The following SCARA3 variants were observed in gnomAD, a reference collection of about 807,000 sequenced individuals.
The protein encoded by SCARA3 is cellular stress response gene protein.
Under a neutral mutation model 47.0 loss-of-function variants are expected in SCARA3, and 39 were observed. The observed-to-expected ratio is 0.83, with a 90% confidence interval of 0.64 to 1.08. The LOEUF is 1.08. Among genes scored for constraint, SCARA3 ranks in the 50% least tolerant of loss-of-function variants. The probability of loss-of-function intolerance (pLI) is 0.00; values close to 1 mark genes in which losing one functional copy is unlikely to be tolerated. For synonymous variants in SCARA3, 356 were observed against 334.1 expected (o/e 1.07, Z -0.71); for missense variants, 724 against 792.3 (o/e 0.91, Z 1.04).
downstream of SCARA3, among the ~76,000 whole-genome samples, chr8:27,674,883 C>T (rs920537017): frequency 2.0e-5 from 3 of 152,084 alleles, no homozygotes; most frequent in South Asian, 6.2e-4. Flanking sequence ...CGTGCACCAC[C>T]ATGCCCAGCT....
chr8:27,717,152 G>C, the SCARA3 span, among the ~76,000 whole-genome samples: 7 of 152,152 alleles, frequency 4.6e-5, no homozygotes, highest in Admixed American at 4.6e-4. Context: ...ACCTGACTGG[G>C]TACTTTGCTA....
At chr8:27,706,229 C>G in the SCARA3 span, among the ~76,000 whole-genome samples, 1 of 152,152 alleles carries the variant, frequency 6.6e-6, no homozygotes, top group African/African-American at 2.4e-5. Flanking sequence ...TTGGCTCACT[C>G]ACTGCAAACT....
the SCARA3 span, among the ~76,000 whole-genome samples, chr8:27,705,320 G>T: frequency 1.5e-3 from 232 of 152,338 alleles, 1 homozygote; most frequent in African/African-American, 5.5e-3. Flanking sequence ...AGCAGCTGCG[G>T]GACCTTGGCA....
intron 2 of SCARA3, 57 bp downstream of exon 2, chr8:27,649,857 C>T (rs482078): frequency 0.23 from 333,062 of 1,434,402 alleles, 40,630 homozygotes; most frequent in Middle Eastern, 0.32. Context: ...TCCCTGTCTC[C>T]ATCCCCAGGC....
At chr8:27,731,076 GT>G in the SCARA3 span, among the ~76,000 whole-genome samples, 3 of 148,134 alleles carry the variant, frequency 2.0e-5, no homozygotes, top group African/African-American at 7.4e-5. Flanking sequence ...TGTGTGTTTT[GT>G]TTACCCGCTT....
the SCARA3 span, among the ~76,000 whole-genome samples, chr8:27,727,773 A>G: frequency 2.0e-5 from 3 of 152,360 alleles, no homozygotes; most frequent in Admixed American, 1.3e-4. Context: ...CCGGGTATTC[A>G]TGAAGTCTCA....
Position 27,671,542 on chromosome 8 carries a change from A to G in SCARA3, c.*191A>G, listed in dbSNP as rs1335630464. On this transcript the variant is annotated 3_prime_UTR_variant, in exon 6 of 6. Transcript: ENST00000301904. ...ATAGGAAAGCAGCCCCTCCTCACAC[A>G]TACATGTGCACATGCACACACATGC... 6 of 1,287,752 alleles carry G rather than the reference A, an allele frequency of 4.7e-6. No homozygotes were observed. Among genetic ancestry groups the G allele is most frequent in the Non-Finnish European group, 5.9e-6 (6 of 1,022,232 alleles). 79.8% of individuals were successfully genotyped at this position (1,287,752 alleles called of 1,614,324 possible).
the SCARA3 span, among the ~76,000 whole-genome samples, chr8:27,710,122 C>G: frequency 2.0e-5 from 3 of 150,788 alleles, no homozygotes; most frequent in Admixed American, 1.3e-4. Flanking sequence ...CCCAGCTGCT[C>G]GGGAGGCTGA....
At chr8:27,635,575 T>A (rs569011880) in intron 1 of SCARA3, among the ~76,000 whole-genome samples, 54 of 152,200 alleles carry the variant, frequency 3.5e-4, no homozygotes, top group Admixed American at 1.6e-3. Flanking sequence ...CAGCCTCTCA[T>A]GTAGCTGGTA....
rs182767400 is a variant in SCARA3, at chr8:27,652,656, G to A, written c.226+1029G>A. Among the ~76,000 whole-genome samples, 24 of 152,306 alleles carry A rather than the reference G, an allele frequency of 1.6e-4. No homozygotes were observed. The East Asian group carries it at 2.5e-3, about 16-fold the overall frequency. ...CTAATGATTTGAATAGACACAAGTCGTCTTCCAGTAATCCGAAGGCATTAA... is the reference window on the plus strand; with the variant it reads ...CTAATGATTTGAATAGACACAAGTCATCTTCCAGTAATCCGAAGGCATTAA... On this transcript the variant is annotated intron_variant, in intron 3 of 5. Coordinates refer to ENST00000301904, the MANE Select transcript of SCARA3 (RefSeq NM_016240.3).
chr8:27,645,055 T>G (rs1041761006), intron 1 of SCARA3, among the ~76,000 whole-genome samples: 27 of 152,184 alleles, frequency 1.8e-4, no homozygotes, highest in Non-Finnish European at 5.9e-5. Context: ...GCTCATTCCT[T>G]TGCAGTTCAA....
downstream of SCARA3, among the ~76,000 whole-genome samples, chr8:27,675,701 T>G (rs1489038018): frequency 6.6e-6 from 1 of 151,724 alleles, no homozygotes; most frequent in Non-Finnish European, 1.5e-5. Flanking sequence ...GAGGCAGGAG[T>G]GTTGCTTGAA....
In SCARA3 at chr8:27,672,825, T is replaced by C; in HGVS notation, c.*1474T>C. 1.0e-6 allele frequency: 1 copy of C among 985,648 alleles called. No homozygotes were observed. The highest frequency in any genetic ancestry group is 1.2e-6 in the Non-Finnish European group (1 of 830,088). 61.1% of individuals were successfully genotyped at this position (985,648 alleles called of 1,614,324 possible). ...CTCCACCGCCCGCAAGGTTAGGGCA[T>C]AGAGTTGTCTCCTTCCCAACACGGA... is the stretch of plus-strand genomic sequence containing the variant. On this transcript the variant is annotated 3_prime_UTR_variant, in exon 6 of 6. Transcript: ENST00000301904.
chr8:27,647,619 C>T (rs935082710), intron 1 of SCARA3, among the ~76,000 whole-genome samples: 5 of 152,268 alleles, frequency 3.3e-5, no homozygotes, highest in East Asian at 1.9e-4. Flanking sequence ...GGAACTGAAG[C>T]GCTGGGGAAG....
the SCARA3 span, among the ~76,000 whole-genome samples, chr8:27,708,797 T>C: frequency 6.6e-6 from 1 of 152,192 alleles, no homozygotes; most frequent in South Asian, 2.1e-4. Flanking sequence ...CATTATAGAC[T>C]TTAAAAACCA....
Position 27,671,814 on chromosome 8 carries a change from T to C in SCARA3, c.*463T>C. On this transcript the variant is annotated 3_prime_UTR_variant, in exon 6 of 6. Coordinates refer to ENST00000301904, the MANE Select transcript of SCARA3 (RefSeq NM_016240.3). ...ACATATCCATGCACACAAACACATATATACACATGCACATACACAGATTTT... is the reference window on the plus strand; with the variant it reads ...ACATATCCATGCACACAAACACATACATACACATGCACATACACAGATTTT... The C allele has an allele frequency of 1.0e-6, 1 of 986,606 alleles. No individual in the cohort carries two copies. 61.1% of individuals were successfully genotyped at this position (986,606 alleles called of 1,614,324 possible).
chr8:27,714,485 G>A, the SCARA3 span, among the ~76,000 whole-genome samples: 4 of 152,050 alleles, frequency 2.6e-5, no homozygotes, highest in East Asian at 1.9e-4. Context: ...GAGCCACCAC[G>A]CCGGGCCTCA....
Position 27,634,104 on chromosome 8 carries a change from G to T in SCARA3, c.-97G>T. Reference sequence around the variant, plus strand: ...CACGGCCGCGGGCGGCGCCTAGGACGGCGATCCGCGCCCTGGAGGATCCGC... The same window carrying T: ...CACGGCCGCGGGCGGCGCCTAGGACTGCGATCCGCGCCCTGGAGGATCCGC... On this transcript the variant is annotated 5_prime_UTR_variant, in exon 1 of 6. Coordinates refer to ENST00000301904, the MANE Select transcript of SCARA3 (RefSeq NM_016240.3). The T allele has an allele frequency of 1.6e-6, 2 of 1,218,356 alleles. No homozygotes were observed. Among genetic ancestry groups the T allele is most frequent in the Non-Finnish European group, 2.1e-6 (2 of 936,502 alleles). 75.5% of individuals were successfully genotyped at this position (1,218,356 alleles called of 1,614,324 possible).
the SCARA3 span, among the ~76,000 whole-genome samples, chr8:27,682,087 G>A: frequency 1.3e-5 from 2 of 152,070 alleles, no homozygotes; most frequent in Non-Finnish European, 2.9e-5. Flanking sequence ...GTAAAGACAG[G>A]CAGATAGTCA....
Sources: allele counts gnomAD v4.1 joint callset (sites outside exome capture counted in the v4.1 genomes callset), GRCh38; gene constraint gnomAD v4.1.1; transcripts MANE v1.5; gene names NCBI Gene and HGNC (gene_info 2026-07-23, HGNC 2026-07-21).